Variants in MRPL42 observed in about 807,000 individuals in gnomAD.
MRPL42 encodes mitochondrial ribosomal protein L42.
In MRPL42, 17 loss-of-function variants were observed where a neutral mutation model predicts 17.9. The ratio of observed to expected loss-of-function variants is 0.95; its 90% confidence interval spans 0.65 to 1.42. The LOEUF (loss-of-function observed/expected upper bound fraction) is 1.42. Ranked by LOEUF, MRPL42 falls within the 40% of genes most tolerant of loss-of-function variation. The pLI, the probability that MRPL42 is intolerant of heterozygous loss-of-function variation, is 0.00. For synonymous variants in MRPL42, 59 were observed against 54.4 expected (o/e 1.08, Z -0.37); for missense variants, 177 against 175.2 (o/e 1.01, Z -0.06).
At chr12:93,495,651 C>T (rs148053124) in intron 5 of MRPL42, among the ~76,000 whole-genome samples, 2 of 152,314 alleles carry the variant, frequency 1.3e-5, no homozygotes, top group African/African-American at 2.4e-5. Flanking sequence ...ACTCCCAGTT[C>T]ACCCACCTTG....
intron 5 of MRPL42, among the ~76,000 whole-genome samples, chr12:93,494,419 T>TGGTCTA (rs1408876024): frequency 6.6e-6 from 1 of 152,138 alleles, no homozygotes; most frequent in African/African-American, 2.4e-5. Context: ...GCTAACAAGA[T>TGGTCTA]TCGCTAATAG....
In MRPL42 at chr12:93,479,480, T is replaced by G; in HGVS notation, c.219+8T>G. ...CCATATGAACACACAAAAGTATGTA[T>G]GAGAAAATTTCTTGCAGTTTTTAAT... On this transcript the variant is annotated splice_region_variant and intron_variant, in intron 4 of 5. Coordinates refer to ENST00000549982, the MANE Select transcript of MRPL42 (RefSeq NM_014050.4). 1 of 1,591,618 alleles carries G rather than the reference T, an allele frequency of 6.3e-7. No homozygotes were observed. The highest frequency in any genetic ancestry group is 8.6e-7 in the Non-Finnish European group (1 of 1,164,350).
chr12:93,470,699 A>G, intron 2 of MRPL42: 1 of 376,594 alleles, frequency 2.7e-6, no homozygotes, highest in South Asian at 5.0e-5. Flanking sequence ...CCTACTTGTA[A>G]GTTAGAACAT....
rs187004483 is a variant in MRPL42, at chr12:93,499,965, T to C, written c.384-1211T>C. On this transcript the variant is annotated intron_variant, in intron 5 of 5. Coordinates refer to ENST00000549982, the MANE Select transcript of MRPL42 (RefSeq NM_014050.4). ...GTGACCAACTTGCCAAAATCTGACC[T>C]GAAGGAAATTTTTGAACGTAACTCA... Among the ~76,000 whole-genome samples, 462 of 152,272 alleles carry C rather than the reference T, an allele frequency of 3.0e-3. 5 individuals carry two copies. Among genetic ancestry groups the C allele is most frequent in the African/African-American group, 0.011 (451 of 41,564 alleles).
intron 4 of MRPL42, among the ~76,000 whole-genome samples, chr12:93,484,084 C>G (rs1391736097): frequency 6.6e-6 from 1 of 152,094 alleles, no homozygotes; most frequent in Non-Finnish European, 1.5e-5. Flanking sequence ...CCTATGATAA[C>G]AGTGTCTTCT....
rs1350951433 is a variant in MRPL42 at position 93,514,710 on chromosome 12, AT to A, written c.*13491del. 2.0e-5 allele frequency: 3 copies of A among 151,602 alleles called. No individual in the cohort carries two copies. The highest frequency in any genetic ancestry group is 4.4e-5 in the Non-Finnish European group (3 of 67,864). The allele number at this position is 151,602 out of a possible 1,614,324, so 9.4% of individuals were successfully genotyped here. ...ACTCCTATTTGAAAATATTTGTCAT[AT>A]TCCTTCTTATTTTTCTTTAAGCTTT... is the stretch of plus-strand genomic sequence containing the variant. On this transcript the variant is annotated 3_prime_UTR_variant, in exon 6 of 6. Transcript: ENST00000549982.
chr12:93,467,684 C>T (rs1879693085), intron 1 of MRPL42, 130 bp downstream of exon 1: 1 of 152,744 alleles, frequency 6.5e-6, no homozygotes, highest in East Asian at 1.9e-4. Context: ...GCATCCCCAG[C>T]CTTTGTCCTT....
intron 4 of MRPL42, among the ~76,000 whole-genome samples, chr12:93,484,556 C>A (rs1386833822): frequency 6.6e-6 from 1 of 151,964 alleles, no homozygotes; most frequent in Non-Finnish European, 1.5e-5. Context: ...TCTTATGGTA[C>A]CACTGTAGTA....
chr12:93,483,803 AT>A (rs1880578938), intron 4 of MRPL42, among the ~76,000 whole-genome samples: 1 of 152,228 alleles, frequency 6.6e-6, no homozygotes, highest in Admixed American at 6.5e-5. Context: ...CTTAAAAAAA[AT>A]TTAATACTTT....
intron 5 of MRPL42, chr12:93,500,613 A>C (rs1192293200): frequency 6.6e-6 from 1 of 152,246 alleles, no homozygotes; most frequent in East Asian, 1.9e-4. Flanking sequence ...CTTTTAACAG[A>C]ACACGTTCAT....
rs550983135 is a variant in MRPL42 at position 93,509,712 on chromosome 12, C to G, written c.*8491C>G. 3 of 151,280 alleles carry G rather than the reference C, an allele frequency of 2.0e-5. 1 individual carries two copies. Among genetic ancestry groups the G allele is most frequent in the African/African-American group, 7.3e-5 (3 of 41,196 alleles). 9.4% of individuals were successfully genotyped at this position (151,280 alleles called of 1,614,324 possible). A position where few individuals can be genotyped will look rare whatever the true frequency, so the allele number is the denominator to read the frequency against. On this transcript the variant is annotated 3_prime_UTR_variant, in exon 6 of 6. Transcript: ENST00000549982. ...CTCCTGTGCTGATCAGTAGTGGGAT[C>G]ACACCTGTGAATAGCCACTGCACTG...
At position 93,510,777 on chromosome 12, in the gene MRPL42, ATGAT is replaced by A. The variant is rs1953718750; in HGVS notation, c.*9560_*9563del. 1 of 152,098 alleles carries A rather than the reference ATGAT, an allele frequency of 6.6e-6. No individual in the cohort carries two copies. The highest frequency in any genetic ancestry group is 2.4e-5 in the African/African-American group (1 of 41,414). 9.4% of individuals were successfully genotyped at this position (152,098 alleles called of 1,614,324 possible). ...TATTTACTCATTATTTTTTCTTCTT[ATGAT>A]TGAAGTTATAATATTTCTTTAAATA... On this transcript the variant is annotated 3_prime_UTR_variant, in exon 6 of 6. Coordinates refer to ENST00000549982, the MANE Select transcript of MRPL42 (RefSeq NM_014050.4).
At chr12:93,485,007 T>TATACATATATATATATACAC (rs1456850328) in intron 4 of MRPL42, among the ~76,000 whole-genome samples, 1 of 47,762 alleles carries the variant, frequency 2.1e-5, no homozygotes. Context: ...TATATATATA[T>TATACATATATATATATACAC]ATATATATAT....
intron 5 of MRPL42, among the ~76,000 whole-genome samples, chr12:93,492,863 C>T (rs1363847581): frequency 1.3e-5 from 2 of 148,510 alleles, no homozygotes; most frequent in Admixed American, 6.8e-5. Context: ...CTTAATTTTA[C>T]GATGACCTTA....
Position 93,484,812 on chromosome 12 carries a change from G to C in MRPL42, c.220-2685G>C, listed in dbSNP as rs183938941. Among the ~76,000 whole-genome samples the C allele has an allele frequency of 1.8e-3, 264 of 149,852 alleles. 2 individuals carry two copies. Among genetic ancestry groups the C allele is most frequent in the Middle Eastern group, 6.8e-3 (2 of 294 alleles). ...AGAGTTTCAACATGTTGGCCAGGCT[G>C]GTCATGAACTCTTGACCTCATGTGA... On this transcript the variant is annotated intron_variant, in intron 4 of 5. Transcript: ENST00000549982.
In MRPL42 at chr12:93,504,965, A is replaced by G. The variant is rs1414334213; in HGVS notation, c.*3744A>G. 1.3e-5 allele frequency: 2 copies of G among 152,346 alleles called. No homozygotes were observed. The highest frequency in any genetic ancestry group is 1.9e-4 in the East Asian group (1 of 5,190). 9.4% of individuals were successfully genotyped at this position (152,346 alleles called of 1,614,324 possible). On this transcript the variant is annotated 3_prime_UTR_variant, in exon 6 of 6. Coordinates refer to ENST00000549982, the MANE Select transcript of MRPL42 (RefSeq NM_014050.4). ...TTCACAGGCATCTGAATATGGTTTT[A>G]TAAAATACATTGCTCTAGTGCACAG... is the stretch of plus-strand genomic sequence containing the variant.
intron 5 of MRPL42, among the ~76,000 whole-genome samples, chr12:93,500,522 C>T (rs1035953708): frequency 6.6e-5 from 10 of 152,148 alleles, no homozygotes; most frequent in African/African-American, 2.4e-4. Flanking sequence ...AGACATATTA[C>T]TAGTTTTATT....
chr12:93,482,248 T>C (rs1175754997), intron 4 of MRPL42, among the ~76,000 whole-genome samples: 3 of 152,352 alleles, frequency 2.0e-5, no homozygotes, highest in Non-Finnish European at 1.5e-5. Flanking sequence ...TTATTTGTTA[T>C]CTTGTGTGGC....
chr12:93,503,423 CA>C lies in MRPL42; in HGVS notation c.*2203del, dbSNP rs1376394074. On this transcript the variant is annotated 3_prime_UTR_variant, in exon 6 of 6. Coordinates refer to ENST00000549982, the MANE Select transcript of MRPL42 (RefSeq NM_014050.4). ...AAAGAAAAGGTCTTGCTGTGTCGCCCAGGATGGAGTGCAGTGGCACAATCAC... is the reference window on the plus strand; with the variant it reads ...AAAGAAAAGGTCTTGCTGTGTCGCCCGGATGGAGTGCAGTGGCACAATCAC... 2 of 151,534 alleles carry C rather than the reference CA, an allele frequency of 1.3e-5. No individual in the cohort carries two copies. Among genetic ancestry groups the C allele is most frequent in the African/African-American group, 2.4e-5 (1 of 41,174 alleles). The allele number at this position is 151,534 out of a possible 1,614,324, so 9.4% of individuals were successfully genotyped here. A position where few individuals can be genotyped will look rare whatever the true frequency, so the allele number is the denominator to read the frequency against.
Sources: allele counts gnomAD v4.1 joint callset (sites outside exome capture counted in the v4.1 genomes callset), GRCh38; gene constraint gnomAD v4.1.1; transcripts MANE v1.5; gene names NCBI Gene and HGNC (gene_info 2026-07-23, HGNC 2026-07-21).